The following DPP6 variants were observed in gnomAD, a reference collection of about 807,000 sequenced individuals.
The protein encoded by DPP6 is dipeptidyl peptidase like 6, also known as A-type potassium channel modulatory protein DPP6.
Under a neutral mutation model 122.6 loss-of-function variants are expected in DPP6, and 69 were observed. The ratio of observed to expected loss-of-function variants is 0.56; its 90% CI spans 0.46 to 0.69. DPP6 has a LOEUF of 0.69. DPP6 is among the 30% of genes least tolerant of loss of function. The pLI, the probability that DPP6 is intolerant of heterozygous loss-of-function variation, is 0.00. For missense variants in DPP6, 928 were observed against 1,116.9 expected, an observed-to-expected ratio of 0.83 and a Z score of 2.41; for synonymous variants, 418 against 433.1, an observed-to-expected ratio of 0.97 and a Z score of 0.43.
chr7:153,992,753 A>C (rs1797238199), intron 1 of DPP6, among the ~76,000 whole-genome samples: 1 of 152,190 alleles, frequency 6.6e-6, no homozygotes, highest in African/African-American at 2.4e-5. Flanking sequence ...AATTGACACT[A>C]TGACTAAATG....
At chr7:154,160,749 G>A (rs370827649) in intron 1 of DPP6, among the ~76,000 whole-genome samples, 10 of 152,140 alleles carry the variant, frequency 6.6e-5, no homozygotes, top group African/African-American at 2.2e-4. Context: ...ACAGAGATGG[G>A]GGACTTGAAA....
intron 1 of DPP6, among the ~76,000 whole-genome samples, chr7:154,015,871 A>G (rs1798381412): frequency 6.6e-6 from 1 of 152,030 alleles, no homozygotes; most frequent in South Asian, 2.1e-4. Context: ...TGTTGAAACA[A>G]GTCAGATCCA....
At chr7:154,310,557 A>G (rs185350278) in intron 1 of DPP6, among the ~76,000 whole-genome samples, 1 of 152,186 alleles carries the variant, frequency 6.6e-6, no homozygotes, top group African/African-American at 2.4e-5. Flanking sequence ...TGTGCATTAA[A>G]TGCATTTTGT....
chr7:153,836,707 T>A, the DPP6 span, among the ~76,000 whole-genome samples: 1 of 152,332 alleles, frequency 6.6e-6, no homozygotes, highest in South Asian at 2.1e-4. Flanking sequence ...CCTACCAGAA[T>A]GAAGCTTCTT....
intron 1 of DPP6, among the ~76,000 whole-genome samples, chr7:154,027,624 C>T (rs1387157189): frequency 3.3e-5 from 5 of 152,002 alleles, no homozygotes; most frequent in Admixed American, 6.6e-5. Flanking sequence ...GGGGAGGGGG[C>T]GGCATTAAAT....
intron 6 of DPP6, among the ~76,000 whole-genome samples, chr7:154,660,363 T>C (rs1412388865): frequency 6.7e-6 from 1 of 149,484 alleles, no homozygotes; most frequent in Non-Finnish European, 1.5e-5. Flanking sequence ...TTGGCCGTAG[T>C]GTTCATATAG....
At chr7:154,700,411 A>G (rs4960727) in intron 7 of DPP6, among the ~76,000 whole-genome samples, 128,157 of 152,182 alleles carry the variant, frequency 0.84, 55,140 homozygotes, top group East Asian at 0.95. Context: ...GCAGTGGGCC[A>G]GTATCATTTT....
chr7:154,876,233 A>T, intron 20 of DPP6, 133 bp downstream of exon 20: 1 of 1,325,742 alleles, frequency 7.5e-7, no homozygotes, highest in Non-Finnish European at 9.7e-7. Flanking sequence ...CTTACCTAAA[A>T]TCTCTTGGCC....
At chr7:154,333,051 C>T (rs968897045) in intron 1 of DPP6, among the ~76,000 whole-genome samples, 5 of 152,134 alleles carry the variant, frequency 3.3e-5, no homozygotes, top group African/African-American at 7.2e-5. Flanking sequence ...AGCCAGCTCC[C>T]GTCTCAGAGA....
chr7:153,865,221 C>T, the DPP6 span, among the ~76,000 whole-genome samples: 1 of 152,174 alleles, frequency 6.6e-6, no homozygotes, highest in Non-Finnish European at 1.5e-5. Context: ...GCAGAGACGA[C>T]AGCAATAGCA....
chr7:154,839,855 AAGCCTCTGGAC>A (rs60127205), intron 16 of DPP6, among the ~76,000 whole-genome samples: 97,285 of 151,692 alleles, frequency 0.64, 33,541 homozygotes, highest in East Asian at 0.84. Flanking sequence ...GTTTAAACCT[AAGCCTCTGGAC>A]AGTGGAAATA....
At chr7:153,854,022 A>G in the DPP6 span, among the ~76,000 whole-genome samples, 1 of 146,754 alleles carries the variant, frequency 6.8e-6, no homozygotes, top group Admixed American at 6.9e-5. Context: ...TGATTTTTGT[A>G]TAAGGTGTAA....
At chr7:154,251,919 CA>C (rs1363988779) in intron 1 of DPP6, among the ~76,000 whole-genome samples, 2 of 60,898 alleles carry the variant, frequency 3.3e-5, no homozygotes, top group African/African-American at 4.7e-4. Context: ...CTCACAGACA[CA>C]CCAGAAACAA....
At chr7:153,954,709 G>A (rs191305505) in intron 1 of DPP6, among the ~76,000 whole-genome samples, 4 of 152,286 alleles carry the variant, frequency 2.6e-5, no homozygotes, top group East Asian at 1.9e-4. Context: ...AAGACTGACC[G>A]CCCCAGTTAA....
At chr7:153,840,305 A>T in the DPP6 span, among the ~76,000 whole-genome samples, 2 of 152,224 alleles carry the variant, frequency 1.3e-5, no homozygotes, top group Non-Finnish European at 2.9e-5. Flanking sequence ...ATATGTAGAA[A>T]GGATTTTTTA....
In DPP6 at chr7:154,256,215, G is replaced by A. The variant is rs369570862; in HGVS notation, c.244-189999G>A. Reference sequence around the variant, plus strand: ...AATTTAAGGAATAAATTATTGGATTGGCTTTTAAAAAAGTCCAGTAGTGGC... The same window carrying A: ...AATTTAAGGAATAAATTATTGGATTAGCTTTTAAAAAAGTCCAGTAGTGGC... On this transcript the variant is annotated intron_variant, in intron 1 of 25. Coordinates refer to ENST00000377770, the MANE Select transcript of DPP6 (RefSeq NM_130797.4). 3.3e-5 allele frequency among the ~76,000 whole-genome samples: 5 copies of A among 152,262 alleles called. No individual in the cohort carries two copies. In the South Asian group the frequency reaches 1.0e-3, roughly 32 times the overall value.
intron 5 of DPP6, among the ~76,000 whole-genome samples, chr7:154,620,290 A>G (rs1834555810): frequency 6.6e-6 from 1 of 152,264 alleles, no homozygotes; most frequent in Admixed American, 6.5e-5. Flanking sequence ...TATGGTGACT[A>G]TATAGTCAGT....
At chr7:153,959,353 C>A (rs1045938165) in intron 1 of DPP6, among the ~76,000 whole-genome samples, 6 of 152,114 alleles carry the variant, frequency 3.9e-5, no homozygotes, top group African/African-American at 1.4e-4. Flanking sequence ...AGTGTAGAAT[C>A]CCTCTAGGGT....
chr7:154,085,253 A>G (rs1799770260), intron 1 of DPP6, among the ~76,000 whole-genome samples: 3 of 152,278 alleles, frequency 2.0e-5, no homozygotes, highest in Admixed American at 1.3e-4. Context: ...TCCAATTCTC[A>G]ACTTCTTTTC....
Sources: gnomAD v4.1 joint callset for allele counts (sites outside exome capture counted in the v4.1 genomes callset) on GRCh38, gnomAD v4.1.1 for gene constraint, MANE v1.5 for transcripts, NCBI Gene and HGNC (gene_info 2026-07-23, HGNC 2026-07-21) for gene names.